Variants in DNAH12 observed in about 807,000 individuals in gnomAD.
The protein encoded by DNAH12 is dynein axonemal heavy chain 12, also known as axonemal beta dynein heavy chain 12.
A neutral mutation model predicts 371.5 loss-of-function variants in DNAH12; 285 were observed. The ratio of observed to expected loss-of-function variants is 0.77; its 90% CI spans 0.70 to 0.85. DNAH12 has a LOEUF of 0.85. Among genes scored for constraint, DNAH12 ranks in the 40% least tolerant of loss-of-function variants. The probability of loss-of-function intolerance (pLI) is 0.00; values close to 1 mark genes in which losing one functional copy is unlikely to be tolerated. For missense variants in DNAH12, 3,611 were observed against 3,689.4 expected (o/e 0.98, Z 0.55); for synonymous variants, 1,200 against 1,213.0 (o/e 0.99, Z 0.22).
At chr3:57,325,049 G>C (rs2061905523) in intron 62 of DNAH12, among the ~76,000 whole-genome samples, 1 of 152,254 alleles carries the variant, frequency 6.6e-6, no homozygotes, top group Non-Finnish European at 1.5e-5. Context: ...GGCTTGCTTA[G>C]GTAAACAAAG....
chr3:57,357,150 G>C (rs1027797451), intron 59 of DNAH12, 26 bp downstream of exon 59: 32 of 152,264 alleles, frequency 2.1e-4, no homozygotes, highest in African/African-American at 7.7e-4. Flanking sequence ...ACCTCGGGAA[G>C]ATGAATAAAG....
intron 62 of DNAH12, 142 bp downstream of exon 62, chr3:57,334,323 G>A: frequency 1.1e-6 from 1 of 924,260 alleles, no homozygotes; most frequent in East Asian, 2.9e-5. Flanking sequence ...TAAACCCACA[G>A]ATCTAAATCC....
chr3:57,436,332 T>C (rs558802021), intron 30 of DNAH12, among the ~76,000 whole-genome samples: 169 of 152,280 alleles, frequency 1.1e-3, no homozygotes, highest in African/African-American at 3.4e-3. Context: ...GATGAGGCCC[T>C]TCAAGTGAGA....
intron 65 of DNAH12, among the ~76,000 whole-genome samples, chr3:57,317,336 C>A (rs562550022): frequency 6.6e-6 from 1 of 152,220 alleles, no homozygotes; most frequent in East Asian, 1.9e-4. Context: ...AATTTATTCA[C>A]CTTGCATAAT....
chr3:57,352,258 A>G, intron 59 of DNAH12, 33 bp from the exon 60 acceptor site: 1 of 1,513,680 alleles, frequency 6.6e-7, no homozygotes, highest in Non-Finnish European at 8.8e-7. Context: ...CGTATTGTCA[A>G]ACAAAACTAA....
At chr3:57,399,250 G>C (rs968739005) in intron 43 of DNAH12, among the ~76,000 whole-genome samples, 3 of 151,796 alleles carry the variant, frequency 2.0e-5, no homozygotes, top group Non-Finnish European at 4.4e-5. Flanking sequence ...GGCAATAAAA[G>C]AAGAAATGAG....
chr3:57,314,729 G>T, intron 65 of DNAH12, 98 bp from the exon 66 acceptor site: 1 of 1,272,314 alleles, frequency 7.9e-7, no homozygotes, highest in Non-Finnish European at 1.1e-6. Context: ...ACAAGATTCT[G>T]TGATCACGTA....
In DNAH12 at chr3:57,444,784, T is replaced by C; in HGVS notation, c.4458A>G (p.Pro1486=). 1.3e-6 allele frequency: 2 copies of C among 1,547,970 alleles called. No individual in the cohort carries two copies. Among genetic ancestry groups the C allele is most frequent in the South Asian group, 1.2e-5 (1 of 82,798 alleles). ...AAGGTATATCATGTGATAAAAACTT[T>C]GGTTCATTTACATCTTTAATTGATC... ...LLRSIKDVNE[P]KFLSHDIPLF... is the part of the protein sequence containing the mutation. The change falls in exon 29 of 74, where the codon CCA becomes CCG. Residue 1486 remains proline (P), a synonymous_variant. Coordinates refer to ENST00000495027, the MANE Select transcript of DNAH12 (RefSeq NM_001366028.2).
At chr3:57,401,260 AAAG>A (rs1350948012) in intron 43 of DNAH12, among the ~76,000 whole-genome samples, 9 of 152,010 alleles carry the variant, frequency 5.9e-5, no homozygotes, top group Non-Finnish European at 1.3e-4. Context: ...ATATATTGAA[AAAG>A]AAGAGGCCAG....
At chr3:57,350,155 G>A (rs1166278712) in intron 60 of DNAH12, among the ~76,000 whole-genome samples, 1 of 152,074 alleles carries the variant, frequency 6.6e-6, no homozygotes, top group Non-Finnish European at 1.5e-5. Flanking sequence ...GGGGTGGAGA[G>A]GGATAAGAGA....
rs201594586 is a variant in DNAH12, at chr3:57,318,357, AT to A, written c.10525-3727del. ...ATGTATAGTGTAAGATAGGAGTTAA[AT>A]TTCATTCTTTTGCATGTGGATATGC... On this transcript the variant is annotated intron_variant, in intron 65 of 73. Coordinates refer to ENST00000495027, the MANE Select transcript of DNAH12 (RefSeq NM_001366028.2). Among the ~76,000 whole-genome samples, 784 of 152,212 alleles carry A rather than the reference AT, an allele frequency of 5.2e-3. 9 individuals are homozygous for A. Among genetic ancestry groups the A allele is most frequent in the African/African-American group, 0.018 (761 of 41,548 alleles).
chr3:57,371,190 G>A (rs2063162560), intron 55 of DNAH12, among the ~76,000 whole-genome samples: 1 of 152,100 alleles, frequency 6.6e-6, no homozygotes, highest in African/African-American at 2.4e-5. Context: ...GCAGCTGAAA[G>A]TAGATTTGAA....
chr3:57,307,778 T>G (rs2061502377), intron 69 of DNAH12, among the ~76,000 whole-genome samples: 1 of 152,126 alleles, frequency 6.6e-6, no homozygotes. Context: ...CATAACTGTA[T>G]CTCTCTGATC....
rs2061352688 is a variant in DNAH12, at chr3:57,301,750, C to CT, written c.11378_11379insA (p.Leu3794ValfsTer9). ...CACATTTTACCTGTAAAAAGTTCAA[C>CT]CGGGCTAGGAAATCTGTGATGTAAC... On this transcript the variant is annotated frameshift_variant, in exon 70 of 74. Transcript: ENST00000495027. LOFTEE classifies it high-confidence loss of function. The CT allele has an allele frequency of 1.2e-5, 19 of 1,547,062 alleles. No homozygotes were observed. The highest frequency in any genetic ancestry group is 1.7e-5 in the Non-Finnish European group (19 of 1,145,210).
upstream of DNAH12, among the ~76,000 whole-genome samples, chr3:57,545,603 G>C (rs1042232633): frequency 3.3e-4 from 50 of 152,090 alleles, no homozygotes; most frequent in African/African-American, 1.2e-3. Flanking sequence ...AAAGGAGTCA[G>C]CTAGATTTTG....
At chr3:57,553,290 T>C in the DNAH12 span, among the ~76,000 whole-genome samples, 1,578 of 152,318 alleles carry the variant, frequency 0.01, 18 homozygotes, top group African/African-American at 0.036. Flanking sequence ...CTTTTCCCAA[T>C]ATCCCTTTGT....
At chr3:57,339,486 TA>T (rs1416168207) in intron 60 of DNAH12, among the ~76,000 whole-genome samples, 1 of 151,792 alleles carries the variant, frequency 6.6e-6, no homozygotes, top group African/African-American at 2.4e-5. Context: ...ATACAAAAAT[TA>T]AAGCTAGATA....
At chr3:57,349,970 G>A (rs868971485) in intron 60 of DNAH12, among the ~76,000 whole-genome samples, 7 of 152,202 alleles carry the variant, frequency 4.6e-5, no homozygotes, top group South Asian at 2.1e-4. Flanking sequence ...GATTACAGGC[G>A]TGGGCCACCA....
chr3:57,319,567 G>C (rs2061759839), intron 65 of DNAH12, among the ~76,000 whole-genome samples: 1 of 151,924 alleles, frequency 6.6e-6, no homozygotes, highest in Admixed American at 6.6e-5. Flanking sequence ...TTTGTTAAGA[G>C]TTGTTTTTTG....
Sources: gnomAD v4.1 joint callset for allele counts (sites outside exome capture counted in the v4.1 genomes callset) on GRCh38, gnomAD v4.1.1 for gene constraint, MANE v1.5 for transcripts, NCBI Gene and HGNC (gene_info 2026-07-23, HGNC 2026-07-21) for gene names.